The following SPTB variants were observed in gnomAD, a reference collection of about 807,000 sequenced individuals.
The protein encoded by SPTB is spectrin beta chain, erythrocytic.
SPTB carries 45 observed loss-of-function variants against 256.2 expected under a neutral mutation model. The observed-to-expected ratio is 0.18, with a 90% CI of 0.14 to 0.23. SPTB has a LOEUF of 0.23. Ranked by LOEUF, SPTB falls within the 10% of genes least tolerant of loss-of-function variation. The pLI, the probability that SPTB is intolerant of heterozygous loss-of-function variation, is 1.00. For missense variants in SPTB, 2,715 were observed against 3,040.4 expected (o/e 0.89, Z 2.52); for synonymous variants, 1,231 against 1,243.1 (o/e 0.99, Z 0.21).
At position 64,823,536 on chromosome 14, in the gene SPTB, G is replaced by A. The variant is rs1371301664; in HGVS notation, c.-51-391C>T. ...AGCTGGGGAAAGCAACCCTCACCCT[G>A]AGGACTAGGCCAGGACCTAACCTGG... On this transcript the variant is annotated intron_variant, in intron 1 of 35. Transcript: ENST00000644917. This position sits in a 1 kb window ranked among gnomAD's most constrained non-coding sequence, Gnocchi z 6.5. 6.6e-6 allele frequency among the ~76,000 whole-genome samples: 1 copy of A among 152,156 alleles called. No individual in the cohort carries two copies. Among genetic ancestry groups the A allele is most frequent in the Non-Finnish European group, 1.5e-5 (1 of 68,022 alleles).
intron 3 of SPTB, 54 bp downstream of exon 3, chr14:64,804,879 ATGCCTT>A (rs1481204603): frequency 1.2e-6 from 2 of 1,609,044 alleles, no homozygotes; most frequent in Non-Finnish European, 1.7e-6. Flanking sequence ...CCCCCAAACC[ATGCCTT>A]TGCTGAAGAG....
At position 64,753,998 on chromosome 14, in the gene SPTB, C is replaced by A. The variant is rs1336196438; in HGVS notation, c.6346-205G>T. On this transcript the variant is annotated intron_variant, in intron 32 of 35. Transcript: ENST00000644917. The stretch of plus-strand genomic sequence containing the variant: ...TTCTCTACTCTGCCTGTGCTTCTGG[C>A]TCCATTTCCACCCCATTCTCCCTTC... The A allele has an allele frequency of 4.0e-5, 27 of 680,428 alleles. 1 individual carries two copies. The East Asian group carries it at 7.3e-4, about 18-fold the overall frequency. 42.1% of individuals were successfully genotyped at this position (680,428 alleles called of 1,614,324 possible).
intron 32 of SPTB, among the ~76,000 whole-genome samples, chr14:64,762,215 T>C (rs900287946): frequency 6.6e-6 from 1 of 152,204 alleles, no homozygotes; most frequent in Non-Finnish European, 1.5e-5. Flanking sequence ...TGTTTCCAGC[T>C]GGGTCTGCCT....
Position 64,767,487 on chromosome 14 carries a change from C to G in SPTB, c.6220-135G>C. 3 of 1,423,140 alleles carry G rather than the reference C, an allele frequency of 2.1e-6. No homozygotes were observed. In the South Asian group the frequency reaches 3.5e-5, roughly 16 times the overall value. 88.2% of individuals were successfully genotyped at this position (1,423,140 alleles called of 1,614,324 possible). On this transcript the variant is annotated intron_variant, in intron 30 of 35. Coordinates refer to ENST00000644917, the MANE Select transcript of SPTB (RefSeq NM_001355436.2). ...TCCTTCTAGAGTCAGCCCCTTCTGT[C>G]CTTTGCATTCGGAGGTCAGTACTTC...
rs1270131669 is a variant in SPTB at position 64,801,373 on chromosome 14, C to T, written c.675G>A (p.Leu225=). Residue 225 remains leucine, a synonymous_variant, in exon 7 of 36, where the codon CTG becomes CTA. Coordinates refer to ENST00000644917, the MANE Select transcript of SPTB (RefSeq NM_001355436.2). ...HRPDLIDFDK[L]KDSNARHNLE... ...GGTTGTGCCGGGCATTGGAGTCCTTCAGCTTATCAAAGTCGATCAGGTCGG... is the reference window on the plus strand; with the variant it reads ...GGTTGTGCCGGGCATTGGAGTCCTTTAGCTTATCAAAGTCGATCAGGTCGG... 1 of 1,614,178 alleles carries T rather than the reference C, an allele frequency of 6.2e-7. No homozygotes were observed.
Position 64,775,156 on chromosome 14 carries a change from T to C in SPTB, c.4811A>G (p.Glu1604Gly). ...GATCTCATCGGAGATGACGTAGAGC[T>C]CCTGCTCGCCAATCCAGGCCTCAGC... ...DEAEAWIGEQ[E>G]LYVISDEIPK... is the part of the protein sequence containing the mutation. The change falls in exon 23 of 36, where the codon GAG (glutamate) becomes GGG (glycine). Residue 1604 changes from glutamate to glycine, a missense_variant. By Grantham distance (98) the Glu-to-Gly change is moderately conservative (BLOSUM62 -2). This residue lies in a region of SPTB where 2,239 missense variants were observed against 2,384.4 expected (regional missense o/e 0.94). Transcript: ENST00000644917. This position sits in a 1 kb window ranked among gnomAD's most constrained non-coding sequence, Gnocchi z 5.0. 6.2e-7 allele frequency: 1 copy of C among 1,613,954 alleles called. No homozygotes were observed. The highest frequency in any genetic ancestry group is 1.7e-5 in the Admixed American group (1 of 60,030).
chr14:64,754,352 C>T (rs775369307), intron 32 of SPTB: 33 of 189,852 alleles, frequency 1.7e-4, no homozygotes, highest in Admixed American at 1.6e-4. Flanking sequence ...AAAGGGAGAA[C>T]CCAGACCCTC....
chr14:64,823,275 G>T lies in SPTB; in HGVS notation c.-51-130C>A. ...GCAGAACGCCATGTCATCTGCCTGG[G>T]CGTGCTTCCTACCAGGGTCTCTGGG... On this transcript the variant is annotated intron_variant, in intron 1 of 35. Transcript: ENST00000644917. This position sits in a 1 kb window ranked among gnomAD's most constrained non-coding sequence, Gnocchi z 6.5. 1.4e-6 allele frequency: 1 copy of T among 718,868 alleles called. No individual in the cohort carries two copies. The highest frequency in any genetic ancestry group is 1.6e-5 in the South Asian group (1 of 63,444). 44.5% of individuals were successfully genotyped at this position (718,868 alleles called of 1,614,324 possible).
Position 64,772,559 on chromosome 14 carries a change from G to T in SPTB, c.5553+21C>A. 6.2e-7 allele frequency: 1 copy of T among 1,601,282 alleles called. No individual in the cohort carries two copies. Among genetic ancestry groups the T allele is most frequent in the South Asian group, 1.1e-5 (1 of 90,930 alleles). On this transcript the variant is annotated intron_variant, in intron 26 of 35. Coordinates refer to ENST00000644917, the MANE Select transcript of SPTB (RefSeq NM_001355436.2). The surrounding 1 kb of genome is among the most constrained non-coding windows in gnomAD (Gnocchi z 5.4). ...GCTCCTGGAAATTGGTAGCAGGTGG[G>T]CGGCAGGGGGCTGAAGGTACCTGGA...
At chr14:64,817,328 A>T (rs1341448114) in intron 2 of SPTB, among the ~76,000 whole-genome samples, 1 of 152,146 alleles carries the variant, frequency 6.6e-6, no homozygotes, top group African/African-American at 2.4e-5. Flanking sequence ...TGCTGATCCA[A>T]TTTTTTTCCC....
At chr14:64,753,280 G>A (rs181230214) in intron 33 of SPTB, among the ~76,000 whole-genome samples, 3 of 152,288 alleles carry the variant, frequency 2.0e-5, no homozygotes, top group Non-Finnish European at 2.9e-5. Flanking sequence ...TTCCAAATGG[G>A]GAAACCGATT....
intron 2 of SPTB, among the ~76,000 whole-genome samples, chr14:64,809,594 C>G (rs1415454386): frequency 6.6e-6 from 1 of 152,128 alleles, no homozygotes; most frequent in African/African-American, 2.4e-5. Context: ...ATCCACCCAC[C>G]TTGGCCTCCC....
chr14:64,787,266 C>A (rs1003499744), intron 15 of SPTB, 106 bp from the exon 16 acceptor site: 68 of 1,454,456 alleles, frequency 4.7e-5, no homozygotes, highest in Admixed American at 4.4e-4. Flanking sequence ...AGTCTCCCCC[C>A]ACAGACTTTG....
intron 29 of SPTB, 96 bp downstream of exon 29, chr14:64,768,938 C>T (rs1248167302): frequency 9.9e-7 from 1 of 1,006,386 alleles, no homozygotes; most frequent in Non-Finnish European, 1.6e-6. Context: ...CCTCTCTAGG[C>T]AGTAGTGAAA....
At chr14:64,876,373 C>A (rs1024500344) in intron 1 of SPTB, among the ~76,000 whole-genome samples, 1 of 152,086 alleles carries the variant, frequency 6.6e-6, no homozygotes, top group African/African-American at 2.4e-5. Context: ...ACCAGCCTGA[C>A]CAGCATGGTG....
chr14:64,821,032 G>A (rs1367211105), intron 2 of SPTB, among the ~76,000 whole-genome samples: 1 of 152,056 alleles, frequency 6.6e-6, no homozygotes, highest in East Asian at 1.9e-4. Flanking sequence ...CTCATCAGAC[G>A]TGGTGACAAC....
rs2083709820 is a variant in SPTB at position 64,847,363 on chromosome 14, C to T, written c.-51-24218G>A. On this transcript the variant is annotated intron_variant, in intron 1 of 35. Coordinates refer to ENST00000644917, the MANE Select transcript of SPTB (RefSeq NM_001355436.2). This position sits in a 1 kb window ranked among gnomAD's most constrained non-coding sequence, Gnocchi z 5.9. ...AATCAGACAGCCCTCTTCCAAGTGT[C>T]GTATCATGTCTCAGGCTAAGAGGAC... 6.6e-6 allele frequency among the ~76,000 whole-genome samples: 1 copy of T among 152,150 alleles called. No individual in the cohort carries two copies. Among genetic ancestry groups the T allele is most frequent in the African/African-American group, 2.4e-5 (1 of 41,420 alleles).
At chr14:64,751,499 T>C (rs1234747446) in intron 33 of SPTB, among the ~76,000 whole-genome samples, 3 of 152,192 alleles carry the variant, frequency 2.0e-5, no homozygotes, top group Non-Finnish European at 4.4e-5. Flanking sequence ...ATGAACCTTA[T>C]AATACTGGAA....
chr14:64,798,123 G>T lies in SPTB; in HGVS notation c.1065-277C>A, dbSNP rs114323353. ...AGCATTTATCATTTGCCTCTACATG[G>T]GAAGCTGAGGTATTCTGGTAATTCC... On this transcript the variant is annotated intron_variant, in intron 9 of 35. Transcript: ENST00000644917. 3.0e-3 allele frequency among the ~76,000 whole-genome samples: 457 copies of T among 152,208 alleles called. 3 individuals are homozygous for T. The highest frequency in any genetic ancestry group is 0.011 in the African/African-American group (448 of 41,508).
Sources: gnomAD v4.1 joint callset for allele counts (sites outside exome capture counted in the v4.1 genomes callset) on GRCh38, gnomAD v4.1.1 for gene constraint, gnomAD v4.1.1 regional missense constraint, Gnocchi (gnomAD v3.1) non-coding constraint, MANE v1.5 for transcripts, NCBI Gene and HGNC (gene_info 2026-07-23, HGNC 2026-07-21) for gene names.